The following METTL15 variants were observed in gnomAD, a reference collection of about 807,000 sequenced individuals.
METTL15 encodes the protein 12S rRNA N(4)-cytidine methyltransferase METTL15.
In METTL15, 34 loss-of-function variants were observed where a neutral mutation model predicts 38.3. That is an observed-to-expected ratio of 0.89 (90% CI 0.68 to 1.18). The LOEUF (loss-of-function observed/expected upper bound fraction) is 1.18. Among genes scored for constraint, METTL15 ranks in the 50% most tolerant of loss-of-function variants. The pLI is 0.00. For synonymous variants in METTL15, 162 were observed against 170.9 expected (o/e 0.95, Z 0.41); for missense variants, 438 against 498.4 (o/e 0.88, Z 1.15).
chr11:28,177,046 A>G (rs941934715), intron 3 of METTL15, among the ~76,000 whole-genome samples: 1 of 152,052 alleles, frequency 6.6e-6, no homozygotes, highest in African/African-American at 2.4e-5. Context: ...CTAGAAGGAC[A>G]GTTCTGTATG....
chr11:28,491,630 A>G (rs1851495585), intron 6 of METTL15, among the ~76,000 whole-genome samples: 2 of 152,212 alleles, frequency 1.3e-5, no homozygotes, highest in Admixed American at 1.3e-4. Context: ...ACTCATCCTT[A>G]ATGAAATCAA....
rs868404563 is a variant in METTL15, at chr11:28,390,912, T to A, written c.*358+28876T>A. Among the ~76,000 whole-genome samples, 11 of 152,308 alleles carry A rather than the reference T, an allele frequency of 7.2e-5. No homozygotes were observed. The Middle Eastern group carries it at 0.017, about 235-fold the overall frequency. On this transcript the variant is annotated intron_variant and NMD_transcript_variant, in intron 5 of 7. Coordinates refer to the METTL15 transcript ENST00000532947. Reference sequence around the variant, plus strand: ...TATCCTGTTTTATTTCATTGAGCAGTGGTTTGTAGTTCCCCTTGAAGAGGT... The same window carrying A: ...TATCCTGTTTTATTTCATTGAGCAGAGGTTTGTAGTTCCCCTTGAAGAGGT...
Position 28,401,601 on chromosome 11 carries a change from T to C in METTL15, c.*359-22698T>C, listed in dbSNP as rs1206696671. Among the ~76,000 whole-genome samples, 14 of 152,084 alleles carry C rather than the reference T, an allele frequency of 9.2e-5. No homozygotes were observed. In the East Asian group the frequency reaches 2.7e-3, roughly 29 times the overall value. On this transcript the variant is annotated intron_variant and NMD_transcript_variant, in intron 5 of 7. Transcript: ENST00000532947. ...GCAGCAATACCAGCGAAGCCCATAC[T>C]AGCCCACACACAAGGATAAATAACT...
intron 3 of METTL15, among the ~76,000 whole-genome samples, chr11:28,350,510 T>G (rs538312953): frequency 6.6e-6 from 1 of 152,312 alleles, no homozygotes; most frequent in South Asian, 2.1e-4. Context: ...CAATTGTTCC[T>G]CTAATGGAAA....
intron 5 of METTL15, among the ~76,000 whole-genome samples, chr11:28,394,243 GT>G (rs1850545230): frequency 6.6e-6 from 1 of 152,066 alleles, no homozygotes; most frequent in African/African-American, 2.4e-5. Context: ...ACATATAAGA[GT>G]TCCATTTCTG....
chr11:28,383,152 G>A (rs1850406406), intron 5 of METTL15, among the ~76,000 whole-genome samples: 1 of 151,940 alleles, frequency 6.6e-6, no homozygotes, highest in Non-Finnish European at 1.5e-5. Flanking sequence ...AGTATCTATT[G>A]TCGCCTTCTT....
chr11:28,314,412 T>G (rs1232590107), intron 6 of METTL15, among the ~76,000 whole-genome samples: 1 of 152,200 alleles, frequency 6.6e-6, no homozygotes, highest in Admixed American at 6.5e-5. Flanking sequence ...TGTGTTACCA[T>G]CTTCCAACTC....
At chr11:28,152,921 C>A (rs1850141761) in intron 3 of METTL15, among the ~76,000 whole-genome samples, 1 of 152,010 alleles carries the variant, frequency 6.6e-6, no homozygotes, top group South Asian at 2.1e-4. Context: ...GTTCTCAGAA[C>A]CAAGGGTTCC....
At chr11:28,127,305 G>A (rs1852531586) in intron 3 of METTL15, among the ~76,000 whole-genome samples, 1 of 152,072 alleles carries the variant, frequency 6.6e-6, no homozygotes, top group African/African-American at 2.4e-5. Context: ...ATAGGACAAA[G>A]CTGACATTTA....
intron 3 of METTL15, chr11:28,145,583 C>T (rs1299039824): frequency 6.6e-6 from 1 of 151,992 alleles, no homozygotes; most frequent in Non-Finnish European, 1.5e-5. Context: ...AAAGGGTCTT[C>T]TTTGTTTTCC....
At chr11:28,292,131 A>G (rs1437437254) in intron 5 of METTL15, among the ~76,000 whole-genome samples, 5 of 151,720 alleles carry the variant, frequency 3.3e-5, no homozygotes, top group Non-Finnish European at 7.4e-5. Flanking sequence ...ATATGTATAC[A>G]TGTGCCATGG....
At chr11:28,156,744 G>C (rs900423779) in intron 3 of METTL15, among the ~76,000 whole-genome samples, 1 of 151,994 alleles carries the variant, frequency 6.6e-6, no homozygotes, top group Non-Finnish European at 1.5e-5. Context: ...TTTCATTTCT[G>C]TGTTATAAGA....
chr11:28,381,438 T>C (rs1180498042), intron 5 of METTL15, among the ~76,000 whole-genome samples: 1 of 152,210 alleles, frequency 6.6e-6, no homozygotes, highest in Non-Finnish European at 1.5e-5. Flanking sequence ...TTTTTTTGAA[T>C]AAGTTTCTAT....
chr11:28,195,305 G>A (rs1044810031), intron 3 of METTL15, among the ~76,000 whole-genome samples: 12 of 151,940 alleles, frequency 7.9e-5, no homozygotes, highest in African/African-American at 2.9e-4. Flanking sequence ...TTTTCCATAA[G>A]GGTTATACTA....
intron 5 of METTL15, among the ~76,000 whole-genome samples, chr11:28,417,958 C>A (rs148330837): frequency 1.3e-5 from 2 of 152,236 alleles, no homozygotes; most frequent in Admixed American, 1.3e-4. Context: ...CTAATTTGAT[C>A]TTATCTTGAT....
intron 6 of METTL15, among the ~76,000 whole-genome samples, chr11:28,433,361 G>C (rs1484844376): frequency 6.6e-6 from 1 of 152,044 alleles, no homozygotes; most frequent in Non-Finnish European, 1.5e-5. Flanking sequence ...GGAAGAATAG[G>C]GTAGTGTTTA....
rs1414913443 is a variant in METTL15, at chr11:28,377,172, C to T, written c.*358+15136C>T. On this transcript the variant is annotated intron_variant and NMD_transcript_variant, in intron 5 of 7. Transcript: ENST00000532947. Reference sequence around the variant, plus strand: ...CTCTTCTCAAGGAGTATCTTTGTGGCGTTCTCTGTATTTCCTGAATCTGAA... The same window carrying T: ...CTCTTCTCAAGGAGTATCTTTGTGGTGTTCTCTGTATTTCCTGAATCTGAA... Among the ~76,000 whole-genome samples the T allele has an allele frequency of 4.8e-3, 701 of 147,220 alleles. 1 individual carries two copies. Among genetic ancestry groups the T allele is most frequent in the African/African-American group, 0.012 (502 of 40,542 alleles).
intron 3 of METTL15, among the ~76,000 whole-genome samples, chr11:28,122,372 T>C (rs1164353338): frequency 4.0e-5 from 2 of 49,822 alleles, no homozygotes; most frequent in Non-Finnish European, 9.0e-5. Flanking sequence ...TGTGTGTGTG[T>C]ATATATATAT....
At chr11:28,263,866 T>C (rs1362864389) in intron 4 of METTL15, among the ~76,000 whole-genome samples, 1 of 152,120 alleles carries the variant, frequency 6.6e-6, no homozygotes, top group African/African-American at 2.4e-5. Flanking sequence ...TATTCTGTCA[T>C]ATATTGCCCT....
Sources: allele counts gnomAD v4.1 joint callset (sites outside exome capture counted in the v4.1 genomes callset), GRCh38; gene constraint gnomAD v4.1.1; transcripts MANE v1.5; gene names NCBI Gene and HGNC (gene_info 2026-07-23, HGNC 2026-07-21).